Variants in RABGAP1L observed in about 807,000 individuals in gnomAD.
RABGAP1L encodes the protein rab GTPase-activating protein 1-like.
RABGAP1L carries 63 observed loss-of-function variants against 137.7 expected under a neutral mutation model. That is an observed-to-expected ratio of 0.46 (90% CI 0.37 to 0.56). RABGAP1L has a LOEUF of 0.56. RABGAP1L is among the 20% of genes least tolerant of loss of function. RABGAP1L has a pLI of 0.00. For missense variants in RABGAP1L, 1,095 were observed against 1,244.0 expected, an observed-to-expected ratio of 0.88 and a Z score of 1.80; for synonymous variants, 431 against 433.7, an observed-to-expected ratio of 0.99 and a Z score of 0.08.
At chr1:174,691,912 A>G (rs572199636) in intron 15 of RABGAP1L, among the ~76,000 whole-genome samples, 1 of 152,320 alleles carries the variant, frequency 6.6e-6, no homozygotes, top group Admixed American at 6.5e-5. Flanking sequence ...ACAACCTAGC[A>G]TTGCATCTCA....
chr1:174,664,464 G>A (rs1367200309), intron 14 of RABGAP1L, among the ~76,000 whole-genome samples: 3 of 152,096 alleles, frequency 2.0e-5, no homozygotes, highest in Non-Finnish European at 4.4e-5. Context: ...TTGAATGGAT[G>A]ATTACTAGTG....
chr1:174,936,203 G>T (rs773981959), intron 19 of RABGAP1L, among the ~76,000 whole-genome samples: 9 of 152,036 alleles, frequency 5.9e-5, no homozygotes, highest in Non-Finnish European at 1.3e-4. Flanking sequence ...AGTAGCTCAC[G>T]CTGGTAATCT....
chr1:174,339,639 C>T (rs1164163657), intron 11 of RABGAP1L, among the ~76,000 whole-genome samples: 1 of 151,728 alleles, frequency 6.6e-6, no homozygotes, highest in Non-Finnish European at 1.5e-5. Context: ...CGGAGTCTCA[C>T]TCTATTGCCC....
chr1:174,420,799 C>T (rs561927529), intron 13 of RABGAP1L, among the ~76,000 whole-genome samples: 2 of 151,902 alleles, frequency 1.3e-5, no homozygotes, highest in Non-Finnish European at 2.9e-5. Flanking sequence ...CTCAGCCTCC[C>T]GAGTAGCTGG....
intron 13 of RABGAP1L, among the ~76,000 whole-genome samples, chr1:174,436,425 A>G (rs1453488997): frequency 6.6e-6 from 1 of 151,984 alleles, no homozygotes; most frequent in Non-Finnish European, 1.5e-5. Flanking sequence ...GCATTTTTTC[A>G]TGTGTTTTTT....
intron 14 of RABGAP1L, among the ~76,000 whole-genome samples, chr1:174,673,942 A>G (rs1677375768): frequency 6.6e-6 from 1 of 152,202 alleles, no homozygotes; most frequent in African/African-American, 2.4e-5. Context: ...TTTGTCATCA[A>G]TAAATCCCAT....
chr1:174,902,658 G>T (rs751775650), intron 19 of RABGAP1L, among the ~76,000 whole-genome samples: 2 of 152,232 alleles, frequency 1.3e-5, no homozygotes, highest in African/African-American at 4.8e-5. Flanking sequence ...TGATAGGTGA[G>T]TTGCAAAGAT....
At chr1:174,835,052 AAATG>A (rs1437224699) in intron 19 of RABGAP1L, among the ~76,000 whole-genome samples, 1 of 152,214 alleles carries the variant, frequency 6.6e-6, no homozygotes, top group Non-Finnish European at 1.5e-5. Context: ...AAACTGGAAG[AAATG>A]AATGGATTAA....
intron 13 of RABGAP1L, among the ~76,000 whole-genome samples, chr1:174,610,948 G>T (rs923263762): frequency 6.6e-6 from 1 of 151,736 alleles, no homozygotes; most frequent in Admixed American, 6.6e-5. Context: ...GTAGATTCTG[G>T]ATATTAGCCC....
chr1:174,543,495 T>C (rs1351516033), intron 13 of RABGAP1L, among the ~76,000 whole-genome samples: 4 of 152,168 alleles, frequency 2.6e-5, no homozygotes, highest in South Asian at 2.1e-4. Flanking sequence ...TTTCCCTGCC[T>C]GTGAGATGGG....
At chr1:174,714,713 A>C (rs2148568766) in intron 17 of RABGAP1L, among the ~76,000 whole-genome samples, 1 of 152,332 alleles carries the variant, frequency 6.6e-6, no homozygotes, top group South Asian at 2.1e-4. Context: ...TTCAGGAAGG[A>C]CAGGCACCAA....
chr1:174,361,964 GTA>G (rs1571407015), intron 11 of RABGAP1L, among the ~76,000 whole-genome samples: 1 of 152,108 alleles, frequency 6.6e-6, no homozygotes, highest in African/African-American at 2.4e-5. Flanking sequence ...ACCCTAGTGT[GTA>G]TTGTTCCCCT....
chr1:174,757,519 AAATAT>A (rs1046997692), intron 18 of RABGAP1L, among the ~76,000 whole-genome samples: 50 of 148,576 alleles, frequency 3.4e-4, no homozygotes, highest in Admixed American at 1.1e-3. Flanking sequence ...TTATAAATAT[AAATAT>A]AATATATAAA....
At chr1:174,884,902 T>C (rs936514765) in intron 19 of RABGAP1L, among the ~76,000 whole-genome samples, 3 of 152,220 alleles carry the variant, frequency 2.0e-5, no homozygotes, top group Non-Finnish European at 4.4e-5. Context: ...GAATCACAAC[T>C]CCATATTTCT....
At chr1:174,272,311 C>A in intron 7 of RABGAP1L, 103 bp from the exon 8 acceptor site, 1 of 1,197,950 alleles carries the variant, frequency 8.3e-7, no homozygotes, top group Non-Finnish European at 1.1e-6. Flanking sequence ...CTTATAAATA[C>A]AGAGCTCAGA....
chr1:174,396,477 A>G, intron 13 of RABGAP1L, among the ~76,000 whole-genome samples: 1 of 152,154 alleles, frequency 6.6e-6, no homozygotes, highest in East Asian at 1.9e-4. Context: ...GCACTTGTAC[A>G]TGATAAATAT....
At chr1:174,506,573 A>G (rs1229418444) in intron 13 of RABGAP1L, among the ~76,000 whole-genome samples, 1 of 147,812 alleles carries the variant, frequency 6.8e-6, no homozygotes, top group Non-Finnish European at 1.5e-5. Context: ...AAAAAATAGG[A>G]ATAAATTTAA....
At chr1:174,607,832 G>A (rs753185955) in intron 13 of RABGAP1L, among the ~76,000 whole-genome samples, 8 of 152,208 alleles carry the variant, frequency 5.3e-5, no homozygotes, top group Non-Finnish European at 1.2e-4. Context: ...GTGTGTTTTA[G>A]AAACCTGTGT....
intron 15 of RABGAP1L, among the ~76,000 whole-genome samples, chr1:174,689,442 T>A (rs1678718539): frequency 6.6e-6 from 1 of 152,080 alleles, no homozygotes; most frequent in African/African-American, 2.4e-5. Flanking sequence ...AAATCTAGGG[T>A]CAGAGATGAT....
Sources: gnomAD v4.1 joint callset for allele counts (sites outside exome capture counted in the v4.1 genomes callset) on GRCh38, gnomAD v4.1.1 for gene constraint, MANE v1.5 for transcripts, NCBI Gene and HGNC (gene_info 2026-07-23, HGNC 2026-07-21) for gene names.